HS6ST3: variants seen among roughly 807,000 people sequenced by gnomAD.
The protein encoded by HS6ST3 is heparan sulfate 6-O-sulfotransferase 3, also known as heparan-sulfate 6-O-sulfotransferase 3.
A neutral mutation model predicts 36.7 loss-of-function variants in HS6ST3; 12 were observed. That is an observed-to-expected ratio of 0.33 (90% confidence interval 0.21 to 0.53). The LOEUF (loss-of-function observed/expected upper bound fraction) is 0.53, where lower values mean the gene tolerates loss of function less well. HS6ST3 is among the 20% of genes least tolerant of loss of function. HS6ST3 has a pLI of 0.95. For missense variants in HS6ST3, 584 were observed against 640.9 expected (o/e 0.91, Z 0.96); for synonymous variants, 240 against 257.5 (o/e 0.93, Z 0.65).
chr13:96,559,092 A>G (rs1386847951), intron 1 of HS6ST3, among the ~76,000 whole-genome samples: 1 of 146,658 alleles, frequency 6.8e-6, no homozygotes, highest in Non-Finnish European at 1.5e-5. Context: ...CTATCTATCT[A>G]TCTATCTATC....
chr13:96,172,826 T>C (rs1325774743), intron 1 of HS6ST3, among the ~76,000 whole-genome samples: 1 of 152,208 alleles, frequency 6.6e-6, no homozygotes, highest in Non-Finnish European at 1.5e-5. Flanking sequence ...TAGTGAAAAG[T>C]ATTAATGTAA....
At chr13:96,686,182 A>G (rs1874772212) in intron 1 of HS6ST3, among the ~76,000 whole-genome samples, 1 of 151,960 alleles carries the variant, frequency 6.6e-6, no homozygotes, top group Non-Finnish European at 1.5e-5. Flanking sequence ...TTTCCTTAGA[A>G]ACACAGCTTG....
intron 1 of HS6ST3, among the ~76,000 whole-genome samples, chr13:96,747,794 C>T (rs1437436388): frequency 6.6e-6 from 1 of 151,938 alleles, no homozygotes; most frequent in Non-Finnish European, 1.5e-5. Context: ...TTGAAGCAGA[C>T]TGAGGTTCAG....
intron 1 of HS6ST3, among the ~76,000 whole-genome samples, chr13:96,352,844 T>C (rs1376080527): frequency 6.6e-6 from 1 of 152,170 alleles, no homozygotes; most frequent in Non-Finnish European, 1.5e-5. Flanking sequence ...ATATCAGTTA[T>C]GCCTCCTGAC....
intron 1 of HS6ST3, among the ~76,000 whole-genome samples, chr13:96,570,731 A>G (rs1389752474): frequency 1.3e-5 from 2 of 152,218 alleles, no homozygotes; most frequent in African/African-American, 4.8e-5. Flanking sequence ...AAAGAGTAGC[A>G]GAAATATGAC....
chr13:96,223,108 T>C (rs17677055), intron 1 of HS6ST3, among the ~76,000 whole-genome samples: 12,200 of 152,278 alleles, frequency 0.08, 730 homozygotes, highest in Non-Finnish European at 0.12. Context: ...CATGCTTGCT[T>C]TGGAATACTT....
intron 1 of HS6ST3, among the ~76,000 whole-genome samples, chr13:96,380,690 CTAAA>C (rs1444031346): frequency 2.0e-5 from 3 of 152,162 alleles, no homozygotes; most frequent in African/African-American, 7.2e-5. Flanking sequence ...AATCTAGCCG[CTAAA>C]TAAAGAAATA....
chr13:96,657,563 T>C (rs2056629872), intron 1 of HS6ST3, among the ~76,000 whole-genome samples: 1 of 152,176 alleles, frequency 6.6e-6, no homozygotes, highest in South Asian at 2.1e-4. Context: ...CACAATGTCC[T>C]GTCAATTATT....
chr13:96,598,303 A>G (rs1375036968), intron 1 of HS6ST3, among the ~76,000 whole-genome samples: 1 of 152,130 alleles, frequency 6.6e-6, no homozygotes, highest in Non-Finnish European at 1.5e-5. Context: ...CTTCCAACCC[A>G]TGAGCATGGA....
chr13:96,452,155 C>A (rs2055731229), intron 1 of HS6ST3, among the ~76,000 whole-genome samples: 1 of 152,104 alleles, frequency 6.6e-6, no homozygotes, highest in African/African-American at 2.4e-5. Flanking sequence ...TTGTGTAATG[C>A]AGAATTAAAT....
intron 1 of HS6ST3, among the ~76,000 whole-genome samples, chr13:96,265,501 A>C (rs1418272674): frequency 2.0e-5 from 3 of 152,154 alleles, no homozygotes; most frequent in Admixed American, 1.3e-4. Context: ...GTTGACTCTG[A>C]TTCATTTAGC....
At chr13:96,283,296 A>G (rs2054784419) in intron 1 of HS6ST3, among the ~76,000 whole-genome samples, 1 of 152,222 alleles carries the variant, frequency 6.6e-6, no homozygotes, top group Non-Finnish European at 1.5e-5. Flanking sequence ...TAACTCTACA[A>G]GCTGCTAAGT....
At chr13:96,120,136 G>A (rs2053918400) in intron 1 of HS6ST3, among the ~76,000 whole-genome samples, 1 of 152,194 alleles carries the variant, frequency 6.6e-6, no homozygotes, top group Non-Finnish European at 1.5e-5. Flanking sequence ...GGAAGGCAGA[G>A]GTTGGAGTTA....
At chr13:96,801,191 A>T (rs998454340) in intron 1 of HS6ST3, among the ~76,000 whole-genome samples, 2 of 152,138 alleles carry the variant, frequency 1.3e-5, no homozygotes, top group Non-Finnish European at 2.9e-5. Context: ...AGGCTGCTCC[A>T]TCTCTGTGTC....
chr13:96,301,525 T>C (rs895464796), intron 1 of HS6ST3, among the ~76,000 whole-genome samples: 2 of 152,198 alleles, frequency 1.3e-5, no homozygotes, highest in African/African-American at 4.8e-5. Context: ...GTGACCGTGA[T>C]ATAATACTTA....
chr13:96,702,850 G>A (rs1875323648), intron 1 of HS6ST3, among the ~76,000 whole-genome samples: 1 of 152,188 alleles, frequency 6.6e-6, no homozygotes. Context: ...AAGAGGGTAG[G>A]TGACCTGGGA....
chr13:96,615,229 T>G (rs2056470102), intron 1 of HS6ST3, among the ~76,000 whole-genome samples: 1 of 152,250 alleles, frequency 6.6e-6, no homozygotes, highest in Non-Finnish European at 1.5e-5. Flanking sequence ...AAAAGTTTAC[T>G]TTACCTGTAT....
rs921652647 is a variant in HS6ST3, at chr13:96,360,325, G to A, written c.707+268756G>A. On this transcript the variant is annotated intron_variant, in intron 1 of 1. Transcript: ENST00000376705. ...TAGGAGCTACTGACAAAAAAAAATA[G>A]GGGAATGTCTTATTCAGTGCTCCAT... 2.6e-5 allele frequency among the ~76,000 whole-genome samples: 4 copies of A among 152,052 alleles called. No homozygotes were observed. The East Asian group carries it at 7.7e-4, about 29-fold the overall frequency.
intron 1 of HS6ST3, among the ~76,000 whole-genome samples, chr13:96,186,007 G>GTGTA (rs1173371858): frequency 6.6e-6 from 1 of 152,144 alleles, no homozygotes; most frequent in Non-Finnish European, 1.5e-5. Context: ...ATGGATCTGA[G>GTGTA]TGTATGTATG....
Sources: gnomAD v4.1 joint callset for allele counts (sites outside exome capture counted in the v4.1 genomes callset) on GRCh38, gnomAD v4.1.1 for gene constraint, MANE v1.5 for transcripts, NCBI Gene and HGNC (gene_info 2026-07-23, HGNC 2026-07-21) for gene names.